ELMO1: variants seen among roughly 807,000 people sequenced by gnomAD.
ELMO1 encodes the protein engulfment and cell motility protein 1.
A neutral mutation model predicts 98.9 loss-of-function variants in ELMO1; 26 were observed. That is an observed-to-expected ratio of 0.26 (90% CI 0.19 to 0.36). The LOEUF is 0.36. Among genes scored for constraint, ELMO1 ranks in the 10% least tolerant of loss-of-function variants. The probability of loss-of-function intolerance (pLI) is 1.00; values close to 1 mark genes in which losing one functional copy is unlikely to be tolerated. For missense variants in ELMO1, 627 were observed against 935.2 expected (o/e 0.67, Z 4.30); for synonymous variants, 346 against 346.0 (o/e 1.00, Z 0.00).
rs188343962 is a variant in ELMO1, at chr7:36,956,150, T to C, written c.1437+57149A>G. On this transcript the variant is annotated intron_variant, in intron 16 of 21. Coordinates refer to ENST00000310758, the MANE Select transcript of ELMO1 (RefSeq NM_014800.11). ...TCTAGGGTGTCCTGAAGGCTACATATATTTCTTGGAGGCTGAATAGGTGTA... is the reference window on the plus strand; with the variant it reads ...TCTAGGGTGTCCTGAAGGCTACATACATTTCTTGGAGGCTGAATAGGTGTA... Among the ~76,000 whole-genome samples, 27 of 152,338 alleles carry C rather than the reference T, an allele frequency of 1.8e-4. No individual in the cohort carries two copies. The East Asian group carries it at 4.0e-3, about 23-fold the overall frequency.
chr7:36,905,162 G>A (rs1351100933), intron 16 of ELMO1, among the ~76,000 whole-genome samples: 1 of 152,262 alleles, frequency 6.6e-6, no homozygotes, highest in African/African-American at 2.4e-5. Flanking sequence ...ACAGGATTGG[G>A]AGAAAATGGC....
intron 19 of ELMO1, 35 bp downstream of exon 19, chr7:36,877,975 C>T (rs1415210210): frequency 7.8e-6 from 12 of 1,534,808 alleles, no homozygotes. Context: ...ACCAACCGAC[C>T]ACCACTCAGG....
intron 13 of ELMO1, among the ~76,000 whole-genome samples, chr7:37,140,595 C>A (rs538284042): frequency 6.6e-6 from 1 of 152,196 alleles, no homozygotes; most frequent in East Asian, 1.9e-4. Flanking sequence ...AGTTAACAGA[C>A]AACACACAGA....
chr7:37,085,937 A>T (rs1584620544), intron 15 of ELMO1, among the ~76,000 whole-genome samples: 1 of 152,252 alleles, frequency 6.6e-6, no homozygotes, highest in South Asian at 2.1e-4. Context: ...GGAAAACGAC[A>T]TCCACTAGCA....
At chr7:36,964,444 T>C (rs1432204203) in intron 16 of ELMO1, among the ~76,000 whole-genome samples, 1 of 152,226 alleles carries the variant, frequency 6.6e-6, no homozygotes, top group African/African-American at 2.4e-5. Flanking sequence ...CCAGAATGGT[T>C]GTATGAGTAC....
chr7:36,867,323 G>C (rs762804220), intron 20 of ELMO1, among the ~76,000 whole-genome samples: 12 of 152,288 alleles, frequency 7.9e-5, no homozygotes, highest in Non-Finnish European at 1.5e-4. Flanking sequence ...TTTAAGGAGA[G>C]AGGAGTCTGA....
At chr7:36,941,962 C>T (rs1250351293) in intron 16 of ELMO1, among the ~76,000 whole-genome samples, 1 of 152,214 alleles carries the variant, frequency 6.6e-6, no homozygotes, top group Admixed American at 6.5e-5. Context: ...CTTACTCCAC[C>T]CCAGGTGCCT....
At chr7:37,202,408 G>C (rs546565595) in intron 13 of ELMO1, among the ~76,000 whole-genome samples, 2 of 152,266 alleles carry the variant, frequency 1.3e-5, no homozygotes, top group South Asian at 4.1e-4. Context: ...TGCTGTCCTT[G>C]TACTCCAAGA....
chr7:37,077,775 A>G (rs1797662020), intron 15 of ELMO1, among the ~76,000 whole-genome samples: 1 of 152,098 alleles, frequency 6.6e-6, no homozygotes, highest in South Asian at 2.1e-4. Flanking sequence ...ACAGGTGGAG[A>G]GAGGAGCTAG....
At chr7:37,273,338 AGAGT>A (rs527249892) in intron 4 of ELMO1, among the ~76,000 whole-genome samples, 4 of 152,112 alleles carry the variant, frequency 2.6e-5, no homozygotes, top group Middle Eastern at 3.2e-3. Flanking sequence ...CATTCTCGTG[AGAGT>A]GAGTGAGTTC....
At chr7:36,948,848 C>G (rs1787731570) in intron 16 of ELMO1, among the ~76,000 whole-genome samples, 1 of 152,130 alleles carries the variant, frequency 6.6e-6, no homozygotes, top group Non-Finnish European at 1.5e-5. Flanking sequence ...GTACTGCTCA[C>G]TCACTCTTTT....
chr7:37,139,620 T>C (rs993728985), intron 13 of ELMO1, among the ~76,000 whole-genome samples: 6 of 152,280 alleles, frequency 3.9e-5, no homozygotes, highest in African/African-American at 1.4e-4. Context: ...AGAATCAATA[T>C]TGTGAAAACG....
intron 1 of ELMO1, among the ~76,000 whole-genome samples, chr7:37,378,297 T>C (rs1038766442): frequency 5.9e-5 from 9 of 152,060 alleles, no homozygotes; most frequent in Admixed American, 6.5e-5. Context: ...TGTACAAGAA[T>C]CTAGACCAGA....
At chr7:37,318,119 AC>A (rs1386275170) in intron 2 of ELMO1, among the ~76,000 whole-genome samples, 1 of 152,240 alleles carries the variant, frequency 6.6e-6, no homozygotes, top group African/African-American at 2.4e-5. Context: ...GTTACATGTT[AC>A]ATAAGTCCTA....
chr7:37,371,755 T>C (rs1802123520), intron 1 of ELMO1, among the ~76,000 whole-genome samples: 1 of 152,212 alleles, frequency 6.6e-6, no homozygotes, highest in African/African-American at 2.4e-5. Context: ...CTGGTTCTCC[T>C]AATTAGTGGC....
At chr7:37,023,397 G>C (rs1052006914) in intron 15 of ELMO1, among the ~76,000 whole-genome samples, 2 of 152,116 alleles carry the variant, frequency 1.3e-5, no homozygotes, top group African/African-American at 4.8e-5. Context: ...GAATGAGTGT[G>C]TATATCCTGC....
intron 2 of ELMO1, among the ~76,000 whole-genome samples, chr7:37,334,871 G>C (rs1014634572): frequency 4.6e-5 from 7 of 152,142 alleles, no homozygotes; most frequent in African/African-American, 1.7e-4. Context: ...GTTTCTTTTA[G>C]GGAATTAAAC....
At chr7:36,918,883 G>A (rs1256666550) in intron 16 of ELMO1, among the ~76,000 whole-genome samples, 1 of 152,170 alleles carries the variant, frequency 6.6e-6, no homozygotes, top group Non-Finnish European at 1.5e-5. Context: ...AAACAAAGTA[G>A]ACTCACTTTA....
chr7:37,396,164 A>G (rs921554884), intron 1 of ELMO1, among the ~76,000 whole-genome samples: 1 of 152,124 alleles, frequency 6.6e-6, no homozygotes, highest in African/African-American at 2.4e-5. Flanking sequence ...TCCATCTTGT[A>G]TCAGGCCACT....
Sources: gnomAD v4.1 joint callset for allele counts (sites outside exome capture counted in the v4.1 genomes callset) on GRCh38, gnomAD v4.1.1 for gene constraint, MANE v1.5 for transcripts, NCBI Gene and HGNC (gene_info 2026-07-23, HGNC 2026-07-21) for gene names.